Variants in PCDHA9 observed in about 807,000 individuals in gnomAD.
The protein encoded by PCDHA9 is protocadherin alpha 9, also known as protocadherin alpha-9.
In PCDHA9, 62 loss-of-function variants were observed where a neutral mutation model predicts 62.0. The observed-to-expected ratio is 1.00, with a 90% confidence interval of 0.81 to 1.23. The LOEUF is 1.23. PCDHA9 is among the 50% of genes most tolerant of loss of function. PCDHA9 has a pLI of 0.00. For synonymous variants in PCDHA9, 557 were observed against 567.6 expected (o/e 0.98, Z 0.27); for missense variants, 1,205 against 1,249.8 (o/e 0.96, Z 0.54).
intron 1 of PCDHA9, among the ~76,000 whole-genome samples, chr5:140,855,119 T>C (rs2043346913): frequency 1.3e-5 from 2 of 149,812 alleles, no homozygotes; most frequent in African/African-American, 4.9e-5. Flanking sequence ...AGGCATTCTA[T>C]AGGTAATAAT....
chr5:140,862,711 G>T, intron 1 of PCDHA9: 2 of 561,474 alleles, frequency 3.6e-6, no homozygotes, highest in Admixed American at 3.8e-5. Flanking sequence ...ACAGCGGGTG[G>T]GCGAGTGCGC....
chr5:140,916,706 G>A (rs1179319029), intron 1 of PCDHA9, among the ~76,000 whole-genome samples: 1 of 152,200 alleles, frequency 6.6e-6, no homozygotes, highest in Admixed American at 6.5e-5. Flanking sequence ...TCCTTAAGCA[G>A]AAGGAAGGAG....
At position 140,872,763 on chromosome 5, in the gene PCDHA9, G is replaced by T. The variant is rs560485194; in HGVS notation, c.2394+21874G>T. The stretch of plus-strand genomic sequence containing the variant: ...AACTTGCTAAAGACATGCATATAGG[G>T]CTATATTATCTATAATATATGCTAG... On this transcript the variant is annotated intron_variant, in intron 1 of 3. Transcript: ENST00000532602. Among the ~76,000 whole-genome samples, 293 of 152,126 alleles carry T rather than the reference G, an allele frequency of 1.9e-3. 2 individuals are homozygous for T. The highest frequency in any genetic ancestry group is 3.6e-3 in the Non-Finnish European group (245 of 67,974).
intron 1 of PCDHA9, among the ~76,000 whole-genome samples, chr5:140,895,742 G>T (rs2065139471): frequency 6.6e-6 from 1 of 152,110 alleles, no homozygotes; most frequent in South Asian, 2.1e-4. Context: ...GGGCTGCAAA[G>T]GGCATGATCT....
intron 1 of PCDHA9, among the ~76,000 whole-genome samples, chr5:140,909,595 A>G (rs1336934015): frequency 6.6e-6 from 1 of 151,976 alleles, no homozygotes; most frequent in Non-Finnish European, 1.5e-5. Context: ...TTGATTTACT[A>G]TTTTTCTAGG....
chr5:140,857,736 C>A (rs1554150585), intron 1 of PCDHA9: 1 of 1,597,364 alleles, frequency 6.3e-7, no homozygotes, highest in Admixed American at 1.7e-5. Flanking sequence ...AACGCTCCCG[C>A]GCTGCTGGCG....
intron 3 of PCDHA9, among the ~76,000 whole-genome samples, chr5:140,992,705 T>C (rs1291266922): frequency 6.6e-6 from 1 of 152,188 alleles, no homozygotes; most frequent in African/African-American, 2.4e-5. Flanking sequence ...GTAATGTTCC[T>C]GCCAGTATTC....
chr5:140,926,767 C>T (rs1323702990), intron 1 of PCDHA9: 8 of 1,358,906 alleles, frequency 5.9e-6, no homozygotes, highest in Admixed American at 3.2e-5. Context: ...AGTATCCAGC[C>T]CGCAGCAGTG....
intron 1 of PCDHA9, 66 bp from the exon 2 acceptor site, chr5:140,978,883 T>C: frequency 6.2e-7 from 1 of 1,611,182 alleles, no homozygotes; most frequent in Non-Finnish European, 8.5e-7. Flanking sequence ...ACTAATCAAT[T>C]AGCAGCATTC....
At chr5:140,853,449 G>C (rs1331170631) in intron 1 of PCDHA9, 1 of 979,994 alleles carries the variant, frequency 1.0e-6, no homozygotes, top group East Asian at 1.1e-4. Flanking sequence ...TGCCTAATAG[G>C]TCTCCTTATA....
At chr5:140,928,669 A>C in intron 1 of PCDHA9, 1 of 1,614,160 alleles carries the variant, frequency 6.2e-7, no homozygotes, top group Non-Finnish European at 8.5e-7. Flanking sequence ...CAGTGGTTCT[A>C]ATGCCTGGCT....
At chr5:140,955,096 T>G (rs1366148224) in intron 1 of PCDHA9, among the ~76,000 whole-genome samples, 1 of 152,178 alleles carries the variant, frequency 6.6e-6, no homozygotes, top group Non-Finnish European at 1.5e-5. Flanking sequence ...GTGTGTGGTG[T>G]TATTTCTGAG....
intron 1 of PCDHA9, among the ~76,000 whole-genome samples, chr5:140,960,011 A>G (rs578052753): frequency 1.2e-4 from 18 of 152,350 alleles, no homozygotes; most frequent in Admixed American, 1.0e-3. Flanking sequence ...TCTATTTTGC[A>G]TCATGATTTT....
At chr5:140,885,581 G>A (rs984552337) in intron 1 of PCDHA9, among the ~76,000 whole-genome samples, 5 of 152,098 alleles carry the variant, frequency 3.3e-5, no homozygotes, top group African/African-American at 1.2e-4. Flanking sequence ...ATGTGGAATT[G>A]ATGCATCAAA....
chr5:140,860,223 A>G (rs2046279598), intron 1 of PCDHA9: 1 of 150,246 alleles, frequency 6.7e-6, no homozygotes, highest in African/African-American at 2.4e-5. Context: ...TTATGTATAT[A>G]TAAGCCAGGC....
At chr5:140,967,785 G>A (rs1554229943) in intron 1 of PCDHA9, 6 of 1,614,176 alleles carry the variant, frequency 3.7e-6, no homozygotes, top group Admixed American at 3.3e-5. Context: ...GCGACTGACC[G>A]GGGTCCAGTG....
intron 1 of PCDHA9, among the ~76,000 whole-genome samples, chr5:140,962,568 A>G (rs915587591): frequency 6.6e-6 from 1 of 152,222 alleles, no homozygotes; most frequent in Non-Finnish European, 1.5e-5. Context: ...CTAAAAGCCA[A>G]TTGTTAATGC....
chr5:141,009,584 A>G, intron 3 of PCDHA9, 43 bp from the exon 4 acceptor site: 1 of 1,592,004 alleles, frequency 6.3e-7, no homozygotes, highest in Non-Finnish European at 8.6e-7. Context: ...CATCAAGAGC[A>G]TGTGTTGACC....
intron 1 of PCDHA9, among the ~76,000 whole-genome samples, chr5:140,895,738 C>A (rs1554186621): frequency 6.6e-6 from 1 of 152,108 alleles, no homozygotes; most frequent in Non-Finnish European, 1.5e-5. Context: ...CAATGGGCTG[C>A]AAAGGGCATG....
Sources: gnomAD v4.1 joint callset for allele counts (sites outside exome capture counted in the v4.1 genomes callset) on GRCh38, gnomAD v4.1.1 for gene constraint, MANE v1.5 for transcripts, NCBI Gene and HGNC (gene_info 2026-07-23, HGNC 2026-07-21) for gene names.